Variants in AP1M1 observed in about 807,000 individuals in gnomAD.
AP1M1 encodes adaptor related protein complex 1 subunit mu 1, also known as AP-1 complex subunit mu-1.
AP1M1 carries 18 observed loss-of-function variants against 57.1 expected under a neutral mutation model. The ratio of observed to expected loss-of-function variants is 0.32; its 90% CI spans 0.22 to 0.47. The LOEUF (loss-of-function observed/expected upper bound fraction) is 0.47. Ranked by LOEUF, AP1M1 falls within the 20% of genes least tolerant of loss-of-function variation. AP1M1 has a pLI of 1.00. For missense variants in AP1M1, 362 were observed against 593.5 expected (o/e 0.61, Z 4.05); for synonymous variants, 241 against 237.9 (o/e 1.01, Z -0.12).
In AP1M1 at chr19:16,242,625, T is replaced by A. The variant is rs1476711622; in HGVS notation, c.*8190T>A. On this transcript the variant is annotated 3_prime_UTR_variant, in exon 12 of 12. Transcript: ENST00000291439. Reference sequence around the variant, plus strand: ...CAACACAATTGAAAGTAAAAAAACATTAAAAGATGTGACACTTAAAATATA... The same window carrying A: ...CAACACAATTGAAAGTAAAAAAACAATAAAAGATGTGACACTTAAAATATA... 6.6e-6 allele frequency: 1 copy of A among 152,038 alleles called. No individual in the cohort carries two copies. Among genetic ancestry groups the A allele is most frequent in the African/African-American group, 2.4e-5 (1 of 41,390 alleles). The allele number at this position is 152,038 out of a possible 1,614,324, so 9.4% of individuals were successfully genotyped here. A position where few individuals can be genotyped will look rare whatever the true frequency, so the allele number is the denominator to read the frequency against.
chr19:16,232,215 G>A (rs892613849), intron 9 of AP1M1, among the ~76,000 whole-genome samples: 1 of 152,182 alleles, frequency 6.6e-6, no homozygotes, highest in Non-Finnish European at 1.5e-5. Context: ...TCTGCCTTTG[G>A]CAGCACGCCT....
intron 5 of AP1M1, among the ~76,000 whole-genome samples, chr19:16,213,594 A>G (rs2091504827): frequency 1.3e-5 from 2 of 151,976 alleles, no homozygotes; most frequent in African/African-American, 4.8e-5. Context: ...CCCCAGGTTC[A>G]AGCAATTCTC....
chr19:16,235,302 G>A lies in AP1M1; in HGVS notation c.*867G>A, dbSNP rs2068229264. On this transcript the variant is annotated 3_prime_UTR_variant, in exon 12 of 12. Transcript: ENST00000291439. Reference sequence around the variant, plus strand: ...GTCACCCGTCCTCCCCACCCTGTGTGTGTTTATGTCATAGTTACATTAAAT... The same window carrying A: ...GTCACCCGTCCTCCCCACCCTGTGTATGTTTATGTCATAGTTACATTAAAT... 1 of 152,286 alleles carries A rather than the reference G, an allele frequency of 6.6e-6. No individual in the cohort carries two copies. 9.4% of individuals were successfully genotyped at this position (152,286 alleles called of 1,614,324 possible).
At chr19:16,231,120 C>G (rs2091594257) in intron 9 of AP1M1, among the ~76,000 whole-genome samples, 1 of 151,792 alleles carries the variant, frequency 6.6e-6, no homozygotes, top group African/African-American at 2.4e-5. Flanking sequence ...AACCCCGTCT[C>G]TACTAAAAAT....
intron 5 of AP1M1, among the ~76,000 whole-genome samples, chr19:16,209,625 A>C (rs1275710764): frequency 6.6e-6 from 1 of 152,186 alleles, no homozygotes; most frequent in Non-Finnish European, 1.5e-5. Context: ...CACAGAAAAA[A>C]AAAAAAGAAA....
At chr19:16,220,314 T>C (rs1400766901) in intron 5 of AP1M1, among the ~76,000 whole-genome samples, 1 of 152,100 alleles carries the variant, frequency 6.6e-6, no homozygotes, top group East Asian at 1.9e-4. Context: ...CTTGCTCAAG[T>C]GATCATCCCG....
At chr19:16,224,686 C>G (rs1395723163) in intron 5 of AP1M1, among the ~76,000 whole-genome samples, 1 of 152,230 alleles carries the variant, frequency 6.6e-6, no homozygotes, top group East Asian at 1.9e-4. Flanking sequence ...TCGCGGCATT[C>G]ACGACCTCAT....
chr19:16,205,475 A>C (rs1440641591), intron 2 of AP1M1, among the ~76,000 whole-genome samples: 1 of 152,142 alleles, frequency 6.6e-6, no homozygotes, highest in African/African-American at 2.4e-5. Flanking sequence ...TGACTGGGCC[A>C]GCGTCCCTTT....
chr19:16,239,837 T>C lies in AP1M1; in HGVS notation c.*5402T>C, dbSNP rs1416954946. ...AGGGTGTTAAAATACAAGTGAGACA[T>C]AGATGAAGAGAATTAGTGCACTAGA... On this transcript the variant is annotated 3_prime_UTR_variant, in exon 12 of 12. Coordinates refer to ENST00000291439, the MANE Select transcript of AP1M1 (RefSeq NM_032493.4). 1.3e-5 allele frequency: 2 copies of C among 151,604 alleles called. No homozygotes were observed. Among genetic ancestry groups the C allele is most frequent in the Admixed American group, 1.3e-4 (2 of 15,196 alleles). The allele number at this position is 151,604 out of a possible 1,614,324, so 9.4% of individuals were successfully genotyped here.
chr19:16,222,521 G>T (rs2091550655), intron 5 of AP1M1, among the ~76,000 whole-genome samples: 2 of 152,058 alleles, frequency 1.3e-5, no homozygotes, highest in Admixed American at 1.3e-4. Context: ...CCTCCATTCT[G>T]CTATTAAGTC....
chr19:16,221,113 G>GT (rs1237715186), intron 5 of AP1M1, among the ~76,000 whole-genome samples: 3 of 152,090 alleles, frequency 2.0e-5, no homozygotes, highest in South Asian at 2.1e-4. Flanking sequence ...CTAAAATATG[G>GT]TTTTTTGTTT....
Position 16,197,976 on chromosome 19 carries a change from C to A in AP1M1, c.-51C>A. On this transcript the variant is annotated 5_prime_UTR_variant, in exon 1 of 12. Coordinates refer to ENST00000291439, the MANE Select transcript of AP1M1 (RefSeq NM_032493.4). Reference sequence around the variant, plus strand: ...CTCAACGCCCAGCAGTCCCCACCGTCGCTGCCGCCGCCACCGCCCTCGGCC... The same window carrying A: ...CTCAACGCCCAGCAGTCCCCACCGTAGCTGCCGCCGCCACCGCCCTCGGCC... The A allele has an allele frequency of 6.8e-7, 1 of 1,463,674 alleles. No homozygotes were observed. Among genetic ancestry groups the A allele is most frequent in the Non-Finnish European group, 9.0e-7 (1 of 1,115,952 alleles). 90.7% of individuals were successfully genotyped at this position (1,463,674 alleles called of 1,614,324 possible). A position where few individuals can be genotyped will look rare whatever the true frequency, so the allele number is the denominator to read the frequency against.
Position 16,203,637 on chromosome 19 carries a change from T to A in AP1M1, c.199+22T>A. 1 of 1,584,734 alleles carries A rather than the reference T, an allele frequency of 6.3e-7. No individual in the cohort carries two copies. Among genetic ancestry groups the A allele is most frequent in the Non-Finnish European group, 8.6e-7 (1 of 1,163,570 alleles). ...TATCGTATCCCTTTGCTGGGGGTGC[T>A]CCCAGGGGACTCCTGTGTGGGTGTT... On this transcript the variant is annotated intron_variant, in intron 2 of 11. Coordinates refer to ENST00000291439, the MANE Select transcript of AP1M1 (RefSeq NM_032493.4). The surrounding 1 kb of genome is among the most constrained non-coding windows in gnomAD (Gnocchi z 4.6).
chr19:16,222,498 C>A (rs1351239207), intron 5 of AP1M1, among the ~76,000 whole-genome samples: 1 of 152,178 alleles, frequency 6.6e-6, no homozygotes, highest in Non-Finnish European at 1.5e-5. Context: ...CAGGCATGAG[C>A]CACTGTACCT....
intron 5 of AP1M1, among the ~76,000 whole-genome samples, chr19:16,216,543 T>C (rs1473572225): frequency 6.6e-6 from 1 of 152,238 alleles, no homozygotes; most frequent in Non-Finnish European, 1.5e-5. Flanking sequence ...GTGCTCGTTC[T>C]TTCTCATTTT....
At chr19:16,221,357 C>T (rs531695839) in intron 5 of AP1M1, among the ~76,000 whole-genome samples, 18 of 152,324 alleles carry the variant, frequency 1.2e-4, no homozygotes, top group South Asian at 2.1e-4. Context: ...GGGTGCTCCT[C>T]GCAGATGGAA....
Position 16,206,666 on chromosome 19 carries a change from C to G in AP1M1, c.267+258C>G, listed in dbSNP as rs1180492787. ...GGGCTCAGAGCAGGGGTGCCCTGACCCTGGAAGGGACAAGCAGGGGTCAGC... is the reference window on the plus strand; with the variant it reads ...GGGCTCAGAGCAGGGGTGCCCTGACGCTGGAAGGGACAAGCAGGGGTCAGC... On this transcript the variant is annotated intron_variant, in intron 3 of 11. Transcript: ENST00000291439. This position sits in a 1 kb window ranked among gnomAD's most constrained non-coding sequence, Gnocchi z 4.3. Among the ~76,000 whole-genome samples the G allele has an allele frequency of 1.3e-5, 2 of 152,142 alleles. No homozygotes were observed. The highest frequency in any genetic ancestry group is 2.9e-5 in the Non-Finnish European group (2 of 68,028).
Position 16,203,542 on chromosome 19 carries a change from G to A in AP1M1, c.126G>A (p.Glu42=). ...TGCCCATCCTGATGGAGAAGGAGGA[G>A]GAGGGGATGCTGTCGCCCATCCTGG... The part of the protein sequence containing the change: ...HFMPILMEKE[E]EGMLSPILAH... The change falls in exon 2 of 12, where the codon GAG becomes GAA. Residue 42 remains glutamate (E), a synonymous_variant. Coordinates refer to ENST00000291439, the MANE Select transcript of AP1M1 (RefSeq NM_032493.4). The surrounding 1 kb of genome is among the most constrained non-coding windows in gnomAD (Gnocchi z 4.6). 1.2e-6 allele frequency: 2 copies of A among 1,614,208 alleles called. No individual in the cohort carries two copies. The highest frequency in any genetic ancestry group is 8.5e-7 in the Non-Finnish European group (1 of 1,180,024).
intron 9 of AP1M1, among the ~76,000 whole-genome samples, chr19:16,231,103 A>T (rs1265628760): frequency 6.6e-6 from 1 of 151,924 alleles, no homozygotes; most frequent in Non-Finnish European, 1.5e-5. Context: ...CCTGGCTAAC[A>T]TGGTGAAACC....
Sources: gnomAD v4.1 joint callset for allele counts (sites outside exome capture counted in the v4.1 genomes callset) on GRCh38, gnomAD v4.1.1 for gene constraint, Gnocchi (gnomAD v3.1) non-coding constraint, MANE v1.5 for transcripts, NCBI Gene and HGNC (gene_info 2026-07-23, HGNC 2026-07-21) for gene names.